The following ANGPT2 variants were observed in gnomAD, a reference collection of about 807,000 sequenced individuals.
ANGPT2 encodes angiopoietin-2.
In ANGPT2, 28 loss-of-function variants were observed where a neutral mutation model predicts 62.9. The ratio of observed to expected loss-of-function variants is 0.44; its 90% CI spans 0.33 to 0.61. The LOEUF (loss-of-function observed/expected upper bound fraction) is 0.61. Among genes scored for constraint, ANGPT2 ranks in the 20% least tolerant of loss-of-function variants. The probability of loss-of-function intolerance (pLI) is 0.03; values close to 1 mark genes in which losing one functional copy is unlikely to be tolerated. For synonymous variants in ANGPT2, 284 were observed against 207.8 expected, an observed-to-expected ratio of 1.37 and a Z score of -3.15; for missense variants, 727 against 594.9, an observed-to-expected ratio of 1.22 and a Z score of -2.31.
chr8:6,522,078 G>A lies in ANGPT2; in HGVS notation c.567-668C>T, dbSNP rs200941200. On this transcript the variant is annotated intron_variant, in intron 3 of 8. Transcript: ENST00000629816. Reference sequence around the variant, plus strand: ...GGGTTTTAAAATGTAAATGCTGGCCGGGCGCAGTGGCTCACGCTTGTAATC... The same window carrying A: ...GGGTTTTAAAATGTAAATGCTGGCCAGGCGCAGTGGCTCACGCTTGTAATC... Among the ~76,000 whole-genome samples the A allele has an allele frequency of 1.1e-4, 16 of 152,284 alleles. No homozygotes were observed. The East Asian group carries it at 3.1e-3, about 29-fold the overall frequency.
chr8:6,510,008 G>C (rs979302368), intron 7 of ANGPT2, among the ~76,000 whole-genome samples: 1 of 152,128 alleles, frequency 6.6e-6, no homozygotes, highest in Non-Finnish European at 1.5e-5. Flanking sequence ...TGCTGAATGC[G>C]TATCACCTTC....
intron 1 of ANGPT2, among the ~76,000 whole-genome samples, chr8:6,545,064 G>C (rs1034494958): frequency 2.0e-5 from 3 of 151,968 alleles, no homozygotes; most frequent in African/African-American, 7.3e-5. Context: ...CATCATGTTG[G>C]GTCACAGAAG....
chr8:6,530,972 G>C (rs1819394846), intron 2 of ANGPT2, among the ~76,000 whole-genome samples: 1 of 151,744 alleles, frequency 6.6e-6, no homozygotes, highest in Admixed American at 6.6e-5. Context: ...ATAATATGGA[G>C]TGGGGATTGT....
intron 1 of ANGPT2, among the ~76,000 whole-genome samples, chr8:6,547,036 C>T (rs185464317): frequency 3.3e-5 from 5 of 152,262 alleles, no homozygotes; most frequent in Admixed American, 3.3e-4. Context: ...CTCAGAGCAA[C>T]ATGCACGTGT....
At chr8:6,513,051 A>G (rs1309024456) in intron 7 of ANGPT2, among the ~76,000 whole-genome samples, 1 of 152,244 alleles carries the variant, frequency 6.6e-6, no homozygotes, top group Non-Finnish European at 1.5e-5. Context: ...CATGTGACAT[A>G]TTATCATGGG....
chr8:6,540,800 A>G (rs1026893287), intron 1 of ANGPT2, among the ~76,000 whole-genome samples: 1 of 152,270 alleles, frequency 6.6e-6, no homozygotes, highest in African/African-American at 2.4e-5. Flanking sequence ...GAGCGCAGCC[A>G]TGCCGAACAG....
rs963496 is a variant in ANGPT2 at position 6,521,170 on chromosome 8, A to G, written c.799+8T>C. On this transcript the variant is annotated splice_region_variant and intron_variant, in intron 4 of 8. Transcript: ENST00000629816. ...TAACGCTGAAGAAAGCATGATATGT[A>G]AACTTACAGTTTGATGTGGACATCA... The G allele has an allele frequency of 0.059, 94,220 of 1,607,182 alleles. 3,064 individuals carry two copies. Among genetic ancestry groups the G allele is most frequent in the African/African-American group, 0.12 (9,179 of 74,834 alleles).
intron 7 of ANGPT2, among the ~76,000 whole-genome samples, chr8:6,512,579 C>T (rs1160932968): frequency 6.6e-6 from 1 of 152,210 alleles, no homozygotes; most frequent in East Asian, 1.9e-4. Flanking sequence ...AGTGGGCACA[C>T]AGTCTCACTT....
At chr8:6,518,852 A>G (rs762791015) in intron 5 of ANGPT2, among the ~76,000 whole-genome samples, 1 of 152,196 alleles carries the variant, frequency 6.6e-6, no homozygotes, top group Non-Finnish European at 1.5e-5. Context: ...TTCTCCTGTA[A>G]TATCATTCTT....
At position 6,508,753 on chromosome 8, in the gene ANGPT2, C is replaced by A; in HGVS notation, c.1327+179G>T. On this transcript the variant is annotated intron_variant, in intron 8 of 8. Transcript: ENST00000629816. ...CAAGTCTAGCTCCATATCATATTCT[C>A]ACTTAAAACTTAGTCTAAAAAAAGT... 5.9e-6 allele frequency: 5 copies of A among 845,312 alleles called. No homozygotes were observed. In the South Asian group the frequency reaches 6.4e-5, roughly 11 times the overall value. 52.4% of individuals were successfully genotyped at this position (845,312 alleles called of 1,614,324 possible). A position where few individuals can be genotyped will look rare whatever the true frequency, so the allele number is the denominator to read the frequency against.
rs531818593 is a variant in ANGPT2, at chr8:6,555,984, C to T, written c.288+6663G>A. Among the ~76,000 whole-genome samples the T allele has an allele frequency of 2.0e-5, 3 of 152,268 alleles. No homozygotes were observed. In the East Asian group the frequency reaches 5.8e-4, roughly 29 times the overall value. On this transcript the variant is annotated intron_variant, in intron 1 of 8. Coordinates refer to ENST00000629816, the MANE Select transcript of ANGPT2 (RefSeq NM_001118887.2). ...GGTGAGAACAAAGCTGTGCTCTCAG[C>T]AATCGGAATCTGTCAAGTCTGCTGT...
At chr8:6,512,217 C>T (rs930872369) in intron 7 of ANGPT2, among the ~76,000 whole-genome samples, 5 of 152,168 alleles carry the variant, frequency 3.3e-5, no homozygotes, top group South Asian at 2.1e-4. Flanking sequence ...ACTGTTTGTA[C>T]AGCAGGACAT....
At chr8:6,536,712 C>A (rs1283449674) in intron 1 of ANGPT2, among the ~76,000 whole-genome samples, 1 of 152,126 alleles carries the variant, frequency 6.6e-6, no homozygotes, top group Non-Finnish European at 1.5e-5. Flanking sequence ...TGTAGCCTTT[C>A]CATAAATCAC....
At chr8:6,544,782 C>T (rs990452902) in intron 1 of ANGPT2, among the ~76,000 whole-genome samples, 2 of 152,148 alleles carry the variant, frequency 1.3e-5, no homozygotes, top group Admixed American at 1.3e-4. Context: ...AAGAGCCTCC[C>T]TTACCTCCTG....
At chr8:6,551,821 T>C (rs1313621015) in intron 1 of ANGPT2, among the ~76,000 whole-genome samples, 2 of 152,196 alleles carry the variant, frequency 1.3e-5, no homozygotes, top group East Asian at 1.9e-4. Flanking sequence ...TTCAGCAAAA[T>C]ACAATAACGT....
intron 8 of ANGPT2, chr8:6,507,966 C>G (rs1042802725): frequency 2.3e-4 from 35 of 152,274 alleles, no homozygotes; most frequent in African/African-American, 8.2e-4. Flanking sequence ...TTTTAAGTGA[C>G]TACTACAATG....
chr8:6,531,293 C>CT (rs112161330), intron 2 of ANGPT2, among the ~76,000 whole-genome samples: 10,808 of 142,290 alleles, frequency 0.076, 449 homozygotes, highest in African/African-American at 0.098. Context: ...TTCTTTCTTT[C>CT]TTTTTTTTTT....
rs1303977549 is a variant in ANGPT2, at chr8:6,505,427, AAT to A, written c.1328-2168_1328-2167del. 2.4e-3 allele frequency among the ~76,000 whole-genome samples: 173 copies of A among 73,400 alleles called. 26 individuals are homozygous for A. Among genetic ancestry groups the A allele is most frequent in the African/African-American group, 7.9e-3 (168 of 21,172 alleles). The allele number at this position is 73,400 out of a possible 152,430, so 48.2% of individuals were successfully genotyped here. On this transcript the variant is annotated intron_variant, in intron 8 of 8. Coordinates refer to ENST00000629816, the MANE Select transcript of ANGPT2 (RefSeq NM_001118887.2). ...ATATATATTCTTTATATACATAAAG[AAT>A]ATATATATTCTTTATATACATATAG...
rs1043316564 is a variant in ANGPT2 at position 6,501,160 on chromosome 8, T to A, written c.*1941A>T. ...TAGTTGTTGGAAAAGTGCACCTTGG[T>A]GGAAATAAAACAGAGCCTTGACTTT... On this transcript the variant is annotated 3_prime_UTR_variant, in exon 9 of 9. Coordinates refer to ENST00000629816, the MANE Select transcript of ANGPT2 (RefSeq NM_001118887.2). The A allele has an allele frequency of 1.3e-5, 2 of 152,180 alleles. No homozygotes were observed. Among genetic ancestry groups the A allele is most frequent in the African/African-American group, 4.8e-5 (2 of 41,454 alleles). The allele number at this position is 152,180 out of a possible 1,614,324, so 9.4% of individuals were successfully genotyped here. A position where few individuals can be genotyped will look rare whatever the true frequency, so the allele number is the denominator to read the frequency against.
Sources: gnomAD v4.1 joint callset for allele counts (sites outside exome capture counted in the v4.1 genomes callset) on GRCh38, gnomAD v4.1.1 for gene constraint, MANE v1.5 for transcripts, NCBI Gene and HGNC (gene_info 2026-07-23, HGNC 2026-07-21) for gene names.